The following NRK variants were observed in gnomAD, a reference collection of about 807,000 sequenced individuals.
The protein encoded by NRK is nik-related protein kinase.
In NRK, 67 loss-of-function variants were observed where a neutral mutation model predicts 125.2. The observed-to-expected ratio is 0.54, with a 90% CI of 0.44 to 0.66. The LOEUF (loss-of-function observed/expected upper bound fraction) is 0.66, where lower values mean the gene tolerates loss of function less well. NRK is among the 30% of genes least tolerant of loss of function. The pLI is 0.00. For missense variants in NRK, 1,224 were observed against 1,192.9 expected, an observed-to-expected ratio of 1.03 and a Z score of -0.38; for synonymous variants, 458 against 429.0, an observed-to-expected ratio of 1.07 and a Z score of -0.84.
intron 4 of NRK, among the ~76,000 whole-genome samples, chrX:105,885,955 T>G (rs1341562540): frequency 9.0e-6 from 1 of 111,382 alleles, no homozygotes; most frequent in Non-Finnish European, 1.9e-5. Context: ...AAATTGAACT[T>G]TAGGAAGATT....
intron 20 of NRK, among the ~76,000 whole-genome samples, chrX:105,934,729 C>T (rs1297321): frequency 0.25 from 27,488 of 111,510 alleles, 3,370 homozygotes; most frequent in Non-Finnish European, 0.38. Flanking sequence ...TTAGCCATCA[C>T]GATTTGTGTT....
At chrX:105,829,180 G>C (rs935123270) in intron 1 of NRK, among the ~76,000 whole-genome samples, 1 of 111,866 alleles carries the variant, frequency 8.9e-6, no homozygotes, top group African/African-American at 3.2e-5. Flanking sequence ...TGGTAGAGCT[G>C]GGGCTAAAAT....
rs1185662152 is a variant in NRK, at chrX:105,949,719, A to C, written c.4498A>C (p.Ile1500Leu). The C allele has an allele frequency of 8.4e-7, 1 of 1,194,178 alleles. No homozygotes were observed. The highest frequency in any genetic ancestry group is 1.1e-6 in the Non-Finnish European group (1 of 881,518). Residue 1500 changes from isoleucine to leucine, a missense_variant, in exon 27 of 29, where the codon ATA becomes CTA. Physicochemically the swap from Ile to Leu is conservative, Grantham distance 5 (BLOSUM62 2). Transcript: ENST00000243300. ...GAAGATCCTTGAAATGTGGAAAGAC[A>C]TACCATCTTCTATAGGTATGTATAC... The part of the protein sequence containing the change: ...FKKILEMWKD[I>L]PSSIAFECTQ...
chrX:105,859,935 C>T (rs769234222), intron 2 of NRK, among the ~76,000 whole-genome samples: 9 of 111,747 alleles, frequency 8.1e-5, no homozygotes, highest in Non-Finnish European at 1.3e-4. Flanking sequence ...GCTTAGATGA[C>T]CCTGAACCCC....
chrX:105,908,360 G>T, intron 12 of NRK, 57 bp downstream of exon 12: 1 of 578,871 alleles, frequency 1.7e-6, no homozygotes, highest in Non-Finnish European at 2.6e-6. Context: ...TAAGGCCGTT[G>T]ATTCCATACT....
At chrX:105,863,555 T>C (rs2039630636) in intron 2 of NRK, among the ~76,000 whole-genome samples, 1 of 112,189 alleles carries the variant, frequency 8.9e-6, no homozygotes, top group East Asian at 2.8e-4. Context: ...CAAGTTACCA[T>C]TGAGCCTTCT....
chrX:105,835,582 G>A (rs1019834660), intron 2 of NRK, among the ~76,000 whole-genome samples: 5 of 107,807 alleles, frequency 4.6e-5, no homozygotes, highest in Non-Finnish European at 9.6e-5. Flanking sequence ...ACTTCTAATT[G>A]TTTGGGCCCA....
chrX:105,854,177 G>T (rs1455244600), intron 2 of NRK, among the ~76,000 whole-genome samples: 1 of 112,165 alleles, frequency 8.9e-6, no homozygotes, highest in Admixed American at 9.5e-5. Flanking sequence ...GGATGGTGAT[G>T]TAGAAAGTTG....
chrX:105,824,853 A>G (rs1434477646), intron 1 of NRK, among the ~76,000 whole-genome samples: 2 of 111,674 alleles, frequency 1.8e-5, no homozygotes, highest in East Asian at 5.6e-4. Flanking sequence ...AAACTTCAGG[A>G]CATTGATGCT....
In NRK at chrX:105,909,575, G is replaced by A; in HGVS notation, c.1934G>A (p.Arg645Lys). The stretch of plus-strand genomic sequence containing the variant: ...CAAGCACTGATAGAGGGACTATCAA[G>A]AGACTTGCTTCGGGCACCAAACTCA... The part of the protein sequence containing the change: ...SVQALIEGLS[R>K]DLLRAPNSNN... The change falls in exon 13 of 29, where the codon AGA becomes AAA. Residue 645 changes from arginine (R) to lysine (K), a missense_variant. Arg to Lys is a conservative substitution (Grantham distance 26, BLOSUM62 2). Coordinates refer to ENST00000243300, the MANE Select transcript of NRK (RefSeq NM_198465.4). 3 of 1,207,305 alleles carry A rather than the reference G, an allele frequency of 2.5e-6. No individual in the cohort carries two copies. Among genetic ancestry groups the A allele is most frequent in the Non-Finnish European group, 3.4e-6 (3 of 892,747 alleles).
rs767459700 is a variant in NRK at position 105,939,870 on chromosome X, T to C, written c.3800-4T>C. 47 of 1,099,908 alleles carry C rather than the reference T, an allele frequency of 4.3e-5. No homozygotes were observed. In the South Asian group the frequency reaches 9.7e-4, roughly 23 times the overall value. 90.6% of individuals were successfully genotyped at this position (1,099,908 alleles called of 1,213,427 possible). ...TAAATACTGTATATTTTCTTATCTA[T>C]CAGGTCATAAGAACAGACTTCGGGT... On this transcript the variant is annotated splice_polypyrimidine_tract_variant and splice_region_variant and intron_variant, in intron 22 of 28. Coordinates refer to ENST00000243300, the MANE Select transcript of NRK (RefSeq NM_198465.4).
In NRK at chrX:105,921,947, T is replaced by C. The variant is rs1350140285; in HGVS notation, c.2513-17T>C. ...TGTAATCACCATTGTTACTAATGTG[T>C]TTTTGGCATTCCATAGAATCTTCTT... On this transcript the variant is annotated splice_polypyrimidine_tract_variant and intron_variant, in intron 16 of 28. Coordinates refer to ENST00000243300, the MANE Select transcript of NRK (RefSeq NM_198465.4). 5.5e-6 allele frequency: 5 copies of C among 902,075 alleles called. No individual in the cohort carries two copies. The highest frequency in any genetic ancestry group is 8.0e-6 in the Non-Finnish European group (5 of 623,000). The allele number at this position is 902,075 out of a possible 1,213,427, so 74.3% of individuals were successfully genotyped here.
chrX:105,919,749 A>T (rs1019684096), intron 16 of NRK, among the ~76,000 whole-genome samples: 2 of 111,813 alleles, frequency 1.8e-5, no homozygotes, highest in Non-Finnish European at 3.8e-5. Context: ...GTTAAGATTG[A>T]AGAATGTAAA....
At chrX:105,947,179 C>CATCTAAAATATAGATTGTCATAAAAATAT (rs1311621073) in intron 26 of NRK, among the ~76,000 whole-genome samples, 1 of 89,958 alleles carries the variant, frequency 1.1e-5, no homozygotes, top group African/African-American at 5.7e-5. Flanking sequence ...TACGGTGCAA[C>CATCTAAAATATAGATTGTCATAAAAATAT]ACGCCTGTAA....
chrX:105,852,852 C>G (rs900047838), intron 2 of NRK, among the ~76,000 whole-genome samples: 1 of 111,938 alleles, frequency 8.9e-6, no homozygotes, highest in African/African-American at 3.2e-5. Flanking sequence ...TACTGGAAAT[C>G]TGCTCAAACC....
At chrX:105,860,395 A>T (rs2039586961) in intron 2 of NRK, among the ~76,000 whole-genome samples, 1 of 111,376 alleles carries the variant, frequency 9.0e-6, no homozygotes, top group African/African-American at 3.3e-5. Flanking sequence ...ATTTTCATTT[A>T]AAAATAACAG....
chrX:105,879,150 C>T (rs1264337881), intron 2 of NRK, among the ~76,000 whole-genome samples: 1 of 110,496 alleles, frequency 9.1e-6, no homozygotes, highest in Non-Finnish European at 1.9e-5. Context: ...TTCAAATCTC[C>T]CTTCCTTTCG....
At chrX:105,876,794 A>T (rs2039821769) in intron 2 of NRK, among the ~76,000 whole-genome samples, 1 of 111,855 alleles carries the variant, frequency 8.9e-6, no homozygotes, top group South Asian at 3.7e-4. Flanking sequence ...CTAGTTCAGC[A>T]TCTCATTTAT....
At chrX:105,867,130 GA>G (rs2039682799) in intron 2 of NRK, among the ~76,000 whole-genome samples, 1 of 111,686 alleles carries the variant, frequency 9.0e-6, no homozygotes, top group African/African-American at 3.2e-5. Flanking sequence ...TGAATATATT[GA>G]AGTTGCTTCA....
Sources: allele counts gnomAD v4.1 joint callset (sites outside exome capture counted in the v4.1 genomes callset), GRCh38; gene constraint gnomAD v4.1.1; transcripts MANE v1.5; gene names NCBI Gene and HGNC (gene_info 2026-07-23, HGNC 2026-07-21).